COL17A1: variants seen among roughly 807,000 people sequenced by gnomAD.
COL17A1 encodes the protein collagen type XVII alpha 1 chain, also known as collagen alpha-1(XVII) chain.
COL17A1 carries 181 observed loss-of-function variants against 218.4 expected under a neutral mutation model. That is an observed-to-expected ratio of 0.83 (90% CI 0.73 to 0.94). The LOEUF (loss-of-function observed/expected upper bound fraction) is 0.94, where lower values mean the gene tolerates loss of function less well. COL17A1 is among the 40% of genes least tolerant of loss of function. The pLI is 0.00. For missense variants in COL17A1, 1,924 were observed against 1,945.9 expected, an observed-to-expected ratio of 0.99 and a Z score of 0.21; for synonymous variants, 721 against 731.0, an observed-to-expected ratio of 0.99 and a Z score of 0.22.
At chr10:104,066,498 A>G (rs1428856442) in intron 9 of COL17A1, among the ~76,000 whole-genome samples, 1 of 152,114 alleles carries the variant, frequency 6.6e-6, no homozygotes, top group Non-Finnish European at 1.5e-5. Flanking sequence ...GAATAATAAA[A>G]CCCCATCCTC....
Position 104,061,407 on chromosome 10 carries a change from G to A in COL17A1, c.977C>T (p.Ala326Val). The change falls in exon 13 of 56, where the codon GCC becomes GTC. Residue 326 changes from alanine to valine, a missense_variant and splice_region_variant. Ala to Val is a moderately conservative substitution (Grantham distance 64). Transcript: ENST00000648076. ...AAVNTGVSTS[A>V]ACTTSVQSDD... The stretch of plus-strand genomic sequence containing the variant: ...TGGCAGCTGGGAGCAGCACTCACCG[G>A]CGGAGGTGGAAACGCCAGTGTTCAC... 1 of 1,613,270 alleles carries A rather than the reference G, an allele frequency of 6.2e-7. No homozygotes were observed. The highest frequency in any genetic ancestry group is 1.1e-5 in the South Asian group (1 of 91,028).
intron 16 of COL17A1, 63 bp from the exon 17 acceptor site, chr10:104,057,235 C>A: frequency 1.2e-6 from 2 of 1,612,772 alleles, no homozygotes; most frequent in Non-Finnish European, 1.7e-6. Context: ...CCTCCAGATT[C>A]TCTGACTTTT....
chr10:104,085,788 T>G lies in COL17A1; in HGVS notation c.-77A>C, dbSNP rs555050690. On this transcript the variant is annotated 5_prime_UTR_variant, in exon 1 of 56. Coordinates refer to ENST00000648076, the MANE Select transcript of COL17A1 (RefSeq NM_000494.4). ...AAATCCCCCTCTCTCTTTCTTCTCCTGATGTTTTCTTCTAGAAATTTGCAG... is the reference window on the plus strand; with the variant it reads ...AAATCCCCCTCTCTCTTTCTTCTCCGGATGTTTTCTTCTAGAAATTTGCAG... The G allele has an allele frequency of 2.0e-5, 3 of 152,698 alleles. No homozygotes were observed. In the South Asian group the frequency reaches 6.2e-4, roughly 32 times the overall value. The allele number at this position is 152,698 out of a possible 1,614,324, so 9.5% of individuals were successfully genotyped here.
intron 24 of COL17A1, among the ~76,000 whole-genome samples, chr10:104,051,854 G>C (rs1159028795): frequency 2.0e-5 from 3 of 152,168 alleles, no homozygotes; most frequent in Non-Finnish European, 4.4e-5. Context: ...CAAGGAAATG[G>C]TCTAACTTCT....
Position 104,037,647 on chromosome 10 carries a change from C to G in COL17A1, c.3197G>C (p.Ser1066Thr). 6.2e-7 allele frequency: 1 copy of G among 1,614,210 alleles called. No individual in the cohort carries two copies. Among genetic ancestry groups the G allele is most frequent in the Non-Finnish European group, 8.5e-7 (1 of 1,180,048 alleles). The part of the protein sequence containing the change: ...DYSELASHVV[S>T]YLRTSGYGVS... ...GGGGAAGGGCTTACTCCGTAAGTAG[C>G]TCACAACGTGGCTTGCCAGCTCTGA... The change falls in exon 46 of 56, where the codon AGC becomes ACC. Residue 1066 changes from serine (S) to threonine (T), a missense_variant. Coordinates refer to ENST00000648076, the MANE Select transcript of COL17A1 (RefSeq NM_000494.4).
intron 11 of COL17A1, among the ~76,000 whole-genome samples, chr10:104,062,930 G>T (rs905562404): frequency 3.9e-5 from 6 of 152,220 alleles, no homozygotes; most frequent in Non-Finnish European, 7.3e-5. Context: ...CAATATCAAG[G>T]ATCTGGTATC....
chr10:104,046,602 TC>T, intron 32 of COL17A1, 144 bp downstream of exon 32: 2 of 765,570 alleles, frequency 2.6e-6, no homozygotes, highest in Non-Finnish European at 4.7e-6. Flanking sequence ...CTAAGGTGCT[TC>T]TCACGACTCA....
intron 2 of COL17A1, 152 bp downstream of exon 2, chr10:104,080,470 G>T: frequency 2.3e-6 from 2 of 852,686 alleles, no homozygotes; most frequent in Non-Finnish European, 3.6e-6. Flanking sequence ...AACAAGAGCT[G>T]TCTTATGAGA....
At chr10:104,040,120 T>A in intron 40 of COL17A1, 121 bp from the exon 41 acceptor site, 1 of 1,219,210 alleles carries the variant, frequency 8.2e-7, no homozygotes, top group Non-Finnish European at 1.2e-6. Context: ...TTGGGGTTCC[T>A]TGTGCCTCTC....
At chr10:104,068,640 A>G (rs986947378) in intron 9 of COL17A1, among the ~76,000 whole-genome samples, 3 of 152,216 alleles carry the variant, frequency 2.0e-5, no homozygotes, top group African/African-American at 4.8e-5. Flanking sequence ...CCTAATAAAT[A>G]GCAGGGAGAA....
chr10:104,033,511 C>A, intron 52 of COL17A1, 136 bp from the exon 53 acceptor site: 1 of 1,066,544 alleles, frequency 9.4e-7, no homozygotes. Context: ...TGAAGCCCTC[C>A]AACTTCCTTT....
At position 104,076,327 on chromosome 10, in the gene COL17A1, G is replaced by A. The variant is rs1371127844; in HGVS notation, c.305C>T (p.Thr102Ile). Reference sequence around the variant, plus strand: ...TTCATACGCATGGCGGGTAACGTGAGTTTTCCTTTCAAAGGTTGAGCCTGG... The same window carrying A: ...TTCATACGCATGGCGGGTAACGTGAATTTTCCTTTCAAAGGTTGAGCCTGG... ...NSPGSTFERK[T>I]HVTRHAYEGS... Residue 102 changes from threonine (T) to isoleucine (I), a missense_variant, in exon 5 of 56, where the codon ACT becomes ATT. Transcript: ENST00000648076. 2 of 1,614,100 alleles carry A rather than the reference G, an allele frequency of 1.2e-6. No homozygotes were observed. Among genetic ancestry groups the A allele is most frequent in the Non-Finnish European group, 1.7e-6 (2 of 1,180,034 alleles).
At chr10:104,060,914 T>C (rs1276582071) in intron 13 of COL17A1, among the ~76,000 whole-genome samples, 1 of 152,186 alleles carries the variant, frequency 6.6e-6, no homozygotes, top group Non-Finnish European at 1.5e-5. Flanking sequence ...AAGAAGGTGC[T>C]CAGTAAAGGC....
chr10:104,037,364 C>A (rs2086310779), intron 46 of COL17A1, among the ~76,000 whole-genome samples: 1 of 151,412 alleles, frequency 6.6e-6, no homozygotes, highest in African/African-American at 2.4e-5. Flanking sequence ...ATGCTGCCAA[C>A]CTTCATGCAC....
intron 51 of COL17A1, 138 bp from the exon 52 acceptor site, chr10:104,034,472 G>A: frequency 4.1e-6 from 6 of 1,481,326 alleles, no homozygotes; most frequent in Non-Finnish European, 5.5e-6. Flanking sequence ...ACCCGAGTGG[G>A]AGAATTTTGG....
intron 53 of COL17A1, 103 bp from the exon 54 acceptor site, chr10:104,033,071 T>C: frequency 1.5e-5 from 23 of 1,529,334 alleles, no homozygotes; most frequent in Non-Finnish European, 2.0e-5. Flanking sequence ...TGATGGAGTT[T>C]GGACGTGTAA....
In COL17A1 at chr10:104,034,672, C is replaced by T. The variant is rs1021241289; in HGVS notation, c.3715G>A (p.Ala1239Thr). ...CGGAAGCTGTCGCTGTTTTCAGCTG[C>T]ATAGGTTGCCAGGGCTCCTGAGACA... ...PGVSGALATYAAENSDSFRSE... is the reference protein window; with the variant it reads ...PGVSGALATYTAENSDSFRSE... The change falls in exon 51 of 56, where the codon GCA becomes ACA. Residue 1239 changes from alanine to threonine, a missense_variant. Transcript: ENST00000648076. 1 of 1,610,480 alleles carries T rather than the reference C, an allele frequency of 6.2e-7. No homozygotes were observed.
intron 5 of COL17A1, among the ~76,000 whole-genome samples, chr10:104,074,464 ATGAG>A (rs2086693261): frequency 6.6e-6 from 1 of 152,184 alleles, no homozygotes; most frequent in African/African-American, 2.4e-5. Context: ...CCTACTTCAG[ATGAG>A]GCAGGGATGA....
At chr10:104,067,950 AAG>A (rs991909063) in intron 9 of COL17A1, among the ~76,000 whole-genome samples, 10 of 152,184 alleles carry the variant, frequency 6.6e-5, no homozygotes, top group Non-Finnish European at 8.8e-5. Context: ...AAAAGGAAAA[AAG>A]AGTACAAGAG....
Sources: gnomAD v4.1 joint callset for allele counts (sites outside exome capture counted in the v4.1 genomes callset) on GRCh38, gnomAD v4.1.1 for gene constraint, MANE v1.5 for transcripts, NCBI Gene and HGNC (gene_info 2026-07-23, HGNC 2026-07-21) for gene names.